Variants in APOLD1 observed in about 807,000 individuals in gnomAD.
The protein encoded by APOLD1 is apolipoprotein L domain-containing protein 1.
Under a neutral mutation model 15.3 loss-of-function variants are expected in APOLD1, and 22 were observed. The ratio of observed to expected loss-of-function variants is 1.44; its 90% CI spans 1.03 to 2.05. The LOEUF is 2.05. Ranked by LOEUF, APOLD1 falls within the 30% of genes most tolerant of loss-of-function variation. The probability of loss-of-function intolerance (pLI) is 0.00; values close to 1 mark genes in which losing one functional copy is unlikely to be tolerated. For synonymous variants in APOLD1, 190 were observed against 167.4 expected (o/e 1.13, Z -1.04); for missense variants, 394 against 353.5 (o/e 1.11, Z -0.92).
At chr12:12,766,732 C>T (rs1053219583) in intron 1 of APOLD1, among the ~76,000 whole-genome samples, 2 of 151,976 alleles carry the variant, frequency 1.3e-5, no homozygotes, top group Non-Finnish European at 2.9e-5. Flanking sequence ...GCCTGTAATC[C>T]CAATTACTCA....
In APOLD1 at chr12:12,788,940, A is replaced by C. The variant is rs957355552; in HGVS notation, c.*1288A>C. On this transcript the variant is annotated 3_prime_UTR_variant, in exon 2 of 2. Transcript: ENST00000356591. ...TACGTGCACCCTGGGGCAGTGTCTC[A>C]CCGTATGAACAAGGGATGTAACACT... is the stretch of plus-strand genomic sequence containing the variant. 6.6e-6 allele frequency: 1 copy of C among 152,030 alleles called. No homozygotes were observed. Among genetic ancestry groups the C allele is most frequent in the Non-Finnish European group, 1.5e-5 (1 of 68,018 alleles). 9.4% of individuals were successfully genotyped at this position (152,030 alleles called of 1,614,324 possible).
rs1946985070 is a variant in APOLD1, at chr12:12,771,271, C to T, written c.97-15638C>T. 3 of 175,978 alleles carry T rather than the reference C, an allele frequency of 1.7e-5. No individual in the cohort carries two copies. The South Asian group carries it at 3.6e-4, about 21-fold the overall frequency. The allele number at this position is 175,978 out of a possible 1,614,324, so 10.9% of individuals were successfully genotyped here. A position where few individuals can be genotyped will look rare whatever the true frequency, so the allele number is the denominator to read the frequency against. On this transcript the variant is annotated intron_variant, in intron 1 of 1. Coordinates refer to the APOLD1 transcript ENST00000326765. ...AGAGCTTTGGGGGAATTTATTAGAG[C>T]AGATTTTGTGTATGAAAAAGGTGCT... is the stretch of plus-strand genomic sequence containing the variant.
rs762846161 is a variant in APOLD1, at chr12:12,787,077, G to C, written c.172G>C (p.Ala58Pro). The C allele has an allele frequency of 3.6e-6, 5 of 1,395,236 alleles. No individual in the cohort carries two copies. In the South Asian group the frequency reaches 6.4e-5, roughly 18 times the overall value. 86.4% of individuals were successfully genotyped at this position (1,395,236 alleles called of 1,614,324 possible). ...LRRRSLVANV[A>P]GSSLSATGAL... is the part of the protein sequence containing the mutation. ...CAGGCGCTCCCTCGTAGCCAACGTGGCCGGCAGCTCGCTGAGCGCAACGGG... is the reference window on the plus strand; with the variant it reads ...CAGGCGCTCCCTCGTAGCCAACGTGCCCGGCAGCTCGCTGAGCGCAACGGG... Residue 58 changes from alanine to proline, a missense_variant, in exon 2 of 2, where the codon GCC (alanine) becomes CCC (proline). Transcript: ENST00000356591. The surrounding 1 kb of genome is among the most constrained non-coding windows in gnomAD (Gnocchi z 4.9).
At chr12:12,770,567 G>GAAAA (rs36112693) in intron 1 of APOLD1, among the ~76,000 whole-genome samples, 2 of 119,272 alleles carry the variant, frequency 1.7e-5, no homozygotes, top group African/African-American at 3.1e-5. Context: ...AAAAAAGACT[G>GAAAA]AAAAAAAAAA....
At position 12,779,595 on chromosome 12, in the gene APOLD1, C is replaced by T. The variant is rs115386917; in HGVS notation, c.97-7314C>T. On this transcript the variant is annotated intron_variant, in intron 1 of 1. Coordinates refer to the APOLD1 transcript ENST00000326765. ...TGGTATTTTCCCGTTTGTGAATACT[C>T]CTCAAAGAAATAATCCAAAGGAAAA... Among the ~76,000 whole-genome samples the T allele has an allele frequency of 9.9e-3, 1,504 of 152,182 alleles. 25 individuals carry two copies. The highest frequency in any genetic ancestry group is 0.034 in the African/African-American group (1,418 of 41,498).
intron 1 of APOLD1, among the ~76,000 whole-genome samples, chr12:12,737,840 G>C (rs768450477): frequency 2.0e-5 from 3 of 152,296 alleles, no homozygotes; most frequent in Middle Eastern, 6.8e-3. Flanking sequence ...AGTGGAGCAA[G>C]ATTCAGTGAA....
intron 1 of APOLD1, among the ~76,000 whole-genome samples, chr12:12,752,317 G>A (rs574590933): frequency 2.0e-5 from 3 of 152,278 alleles, no homozygotes; most frequent in Non-Finnish European, 2.9e-5. Flanking sequence ...TTCTTGCAGG[G>A]TAGGATGCTA....
chr12:12,759,542 T>C (rs73283164), intron 1 of APOLD1, among the ~76,000 whole-genome samples: 11,243 of 152,246 alleles, frequency 0.074, 642 homozygotes, highest in African/African-American at 0.16. Flanking sequence ...GGTTATGCAA[T>C]AGATATCTGT....
chr12:12,777,923 T>G (rs12817565), intron 1 of APOLD1, among the ~76,000 whole-genome samples: 81,990 of 121,908 alleles, frequency 0.67, 27,017 homozygotes, highest in East Asian at 0.8. Flanking sequence ...TTTTTTTTTT[T>G]TTGTTGTTGT....
rs757082166 is a variant in APOLD1 at position 12,746,496 on chromosome 12, C to CAAATAAATAAATAAATAAAT, written c.96+20402_96+20421dup. Among the ~76,000 whole-genome samples, 210 of 140,030 alleles carry CAAATAAATAAATAAATAAAT rather than the reference C, an allele frequency of 1.5e-3. 2 individuals carry two copies. The highest frequency in any genetic ancestry group is 5.8e-3 in the African/African-American group (196 of 33,600). 91.9% of individuals were successfully genotyped at this position (140,030 alleles called of 152,430 possible). On this transcript the variant is annotated intron_variant, in intron 1 of 1. Coordinates refer to the APOLD1 transcript ENST00000326765. ...GGGCAACAAGAGTGAAACTCCATCTCAAATAAATAAATAAATAAATACATA... is the reference window on the plus strand; with the variant it reads ...GGGCAACAAGAGTGAAACTCCATCTCAAATAAATAAATAAATAAATAAATAAATAAATAAATAAATACATA...
At position 12,790,802 on chromosome 12, in the gene APOLD1, C is replaced by T. The variant is rs1416583571; in HGVS notation, c.*3150C>T. On this transcript the variant is annotated 3_prime_UTR_variant, in exon 2 of 2. Transcript: ENST00000356591. ...GCCTCTATCAAGATTTAGTCAAGTT[C>T]AGTTAGATTGATTCTAGAAACAAAT... 2 of 152,300 alleles carry T rather than the reference C, an allele frequency of 1.3e-5. No individual in the cohort carries two copies. The highest frequency in any genetic ancestry group is 1.9e-4 in the East Asian group (1 of 5,190). 9.4% of individuals were successfully genotyped at this position (152,300 alleles called of 1,614,324 possible).
chr12:12,788,933 G>C lies in APOLD1; in HGVS notation c.*1281G>C, dbSNP rs375429074. On this transcript the variant is annotated 3_prime_UTR_variant, in exon 2 of 2. Coordinates refer to ENST00000356591, the MANE Select transcript of APOLD1 (RefSeq NM_030817.3). Reference sequence around the variant, plus strand: ...GCACGCGTACGTGCACCCTGGGGCAGTGTCTCACCGTATGAACAAGGGATG... The same window carrying C: ...GCACGCGTACGTGCACCCTGGGGCACTGTCTCACCGTATGAACAAGGGATG... 4 of 152,274 alleles carry C rather than the reference G, an allele frequency of 2.6e-5. No homozygotes were observed. The East Asian group carries it at 5.8e-4, about 22-fold the overall frequency. 9.4% of individuals were successfully genotyped at this position (152,274 alleles called of 1,614,324 possible).
chr12:12,726,132 C>G (rs1384123340), intron 1 of APOLD1: 2 of 758,672 alleles, frequency 2.6e-6, no homozygotes, highest in Non-Finnish European at 3.8e-6. Flanking sequence ...GGAGGTGGCC[C>G]GGAAAAGAAC....
At chr12:12,753,638 A>T (rs1419909685) in intron 1 of APOLD1, among the ~76,000 whole-genome samples, 1 of 152,072 alleles carries the variant, frequency 6.6e-6, no homozygotes, top group East Asian at 1.9e-4. Context: ...ACACCACTGC[A>T]CTCCAGCCAG....
At position 12,748,653 on chromosome 12, in the gene APOLD1, T is replaced by G. The variant is rs549463678; in HGVS notation, c.96+22557T>G. On this transcript the variant is annotated intron_variant, in intron 1 of 1. Transcript: ENST00000326765. The stretch of plus-strand genomic sequence containing the variant: ...TTTTGAAATATATAATTATGGGTTT[T>G]TTTTTTTAGGCCTAAGGAATTCCAC... Among the ~76,000 whole-genome samples, 303 of 152,198 alleles carry G rather than the reference T, an allele frequency of 2.0e-3. 3 individuals carry two copies. The highest frequency in any genetic ancestry group is 7.0e-3 in the African/African-American group (289 of 41,518).
chr12:12,746,383 C>G (rs1946765414), intron 1 of APOLD1, among the ~76,000 whole-genome samples: 1 of 152,166 alleles, frequency 6.6e-6, no homozygotes, highest in Admixed American at 6.5e-5. Context: ...GTAATCCCAG[C>G]TACTCAGGAG....
chr12:12,749,813 C>T lies in APOLD1; in HGVS notation c.96+23717C>T, dbSNP rs576115342. ...GAGTGTACTTTCGTTTTCAATAAAT[C>T]CCTGCTTTCATTCTTTAGTTGCTTC... On this transcript the variant is annotated intron_variant, in intron 1 of 1. Transcript: ENST00000326765. Among the ~76,000 whole-genome samples the T allele has an allele frequency of 4.6e-5, 7 of 152,264 alleles. No homozygotes were observed. The South Asian group carries it at 1.5e-3, about 32-fold the overall frequency.
intron 1 of APOLD1, among the ~76,000 whole-genome samples, chr12:12,770,556 A>G (rs981212028): frequency 1.4e-5 from 2 of 145,302 alleles, no homozygotes; most frequent in African/African-American, 5.2e-5. Context: ...AAACAAAGAG[A>G]AAAAAAGACT....
chr12:12,742,427 C>T (rs984832070), intron 1 of APOLD1, among the ~76,000 whole-genome samples: 6 of 152,166 alleles, frequency 3.9e-5, no homozygotes, highest in African/African-American at 1.2e-4. Flanking sequence ...ACCTCCATAT[C>T]GATTCAGGCA....
Sources: gnomAD v4.1 joint callset for allele counts (sites outside exome capture counted in the v4.1 genomes callset) on GRCh38, gnomAD v4.1.1 for gene constraint, Gnocchi (gnomAD v3.1) non-coding constraint, MANE v1.5 for transcripts, NCBI Gene and HGNC (gene_info 2026-07-23, HGNC 2026-07-21) for gene names.